TTN: variants seen among roughly 807,000 people sequenced by gnomAD.
TTN encodes connectin.
In TTN, 1,525 loss-of-function variants were observed where a neutral mutation model predicts 3,223.0. That is an observed-to-expected ratio of 0.47 (90% CI 0.45 to 0.49). TTN has a LOEUF of 0.49. Ranked by LOEUF, TTN falls within the 20% of genes least tolerant of loss-of-function variation. The pLI is 0.00. For missense variants in TTN, 40,786 were observed against 43,424.0 expected (o/e 0.94, Z 5.40); for synonymous variants, 14,094 against 15,161.0 (o/e 0.93, Z 5.17).
chr2:178,586,975 A>G, intron 307 of TTN, 143 bp downstream of exon 307: 3 of 1,366,592 alleles, frequency 2.2e-6, no homozygotes, highest in East Asian at 2.3e-5. Flanking sequence ...AAAGTGTTTC[A>G]TGAGTGAGAT....
rs1298192031 is a variant in TTN at position 178,735,564 on chromosome 2, G to A, written c.14882C>T (p.Thr4961Ile). ...GCTGCTTCCAGCCTCATTTGAAGCT[G>A]TACAGACATAGGTTCCTGAATCTTT... is the stretch of plus-strand genomic sequence containing the variant. ...KLKDSGTYVC[T>I]ASNEAGSSSC... is the part of the protein sequence containing the mutation. The change falls in exon 50 of 363, where the codon ACA (threonine) becomes ATA (isoleucine). Residue 4961 changes from threonine (T) to isoleucine (I), a missense_variant. Coordinates refer to ENST00000589042, the MANE Select transcript of TTN (RefSeq NM_001267550.2). The A allele has an allele frequency of 6.2e-7, 1 of 1,611,680 alleles. No individual in the cohort carries two copies. The highest frequency in any genetic ancestry group is 8.5e-7 in the Non-Finnish European group (1 of 1,179,228).
In TTN at chr2:178,695,061, GT is replaced by G. The variant is rs564489975; in HGVS notation, c.31271-156del. 5.2e-4 allele frequency among the ~76,000 whole-genome samples: 78 copies of G among 150,136 alleles called. 1 individual carries two copies. In the South Asian group the frequency reaches 0.014, roughly 28 times the overall value. The stretch of plus-strand genomic sequence containing the variant: ...TTTTTTAAAGAGAGAGATGAGTTCG[GT>G]TTTTTTTTCTTTGACCTTTACGCAC... On this transcript the variant is annotated intron_variant, in intron 115 of 362. Transcript: ENST00000589042.
chr2:178,723,817 T>C, intron 73 of TTN, 39 bp downstream of exon 73: 1 of 1,562,794 alleles, frequency 6.4e-7, no homozygotes. Flanking sequence ...TGAAGAGGAA[T>C]TTGTAAGAAA....
rs1042225014 is a variant in TTN at position 178,599,375 on chromosome 2, C to G, written c.56418G>C (p.Trp18806Cys). Residue 18806 changes from tryptophan to cysteine, a missense_variant, in exon 290 of 363, where the codon TGG becomes TGC. Transcript: ENST00000589042. Reference sequence around the variant, plus strand: ...ACCCACCATCATCTTTAGGTGGAAACCAAGATAGTGTCATTTGATCTGCTG... The same window carrying G: ...ACCCACCATCATCTTTAGGTGGAAAGCAAGATAGTGTCATTTGATCTGCTG... ...SVSADQMTLS[W>C]FPPKDDGGSK... 6.3e-7 allele frequency: 1 copy of G among 1,596,440 alleles called. No individual in the cohort carries two copies. Among genetic ancestry groups the G allele is most frequent in the East Asian group, 2.2e-5 (1 of 44,476 alleles).
At position 178,554,470 on chromosome 2, in the gene TTN, A is replaced by G. The variant is rs766178585; in HGVS notation, c.88877T>C (p.Val29626Ala). The change falls in exon 332 of 363, where the codon GTA becomes GCA. Residue 29626 changes from valine (V) to alanine (A), a missense_variant. Transcript: ENST00000589042. ...TGTCTCACCAAATGCGTTCTTGGCT[A>G]CAACGGAATCAGATTCCAGTGGCTC... ...IGEPLESDSVVAKNAFVTPGP... is the reference protein window; with the variant it reads ...IGEPLESDSVAAKNAFVTPGP... 40 of 1,613,396 alleles carry G rather than the reference A, an allele frequency of 2.5e-5. No individual in the cohort carries two copies. Among genetic ancestry groups the G allele is most frequent in the Non-Finnish European group, 3.3e-5 (39 of 1,179,658 alleles).
At chr2:178,547,386 T>C (rs563381300) in intron 339 of TTN, 21 bp downstream of exon 339, 1 of 1,584,332 alleles carries the variant, frequency 6.3e-7, no homozygotes, top group Non-Finnish European at 8.6e-7. Context: ...GACTTTGAAA[T>C]AGGATTTTTA....
At position 178,548,401 on chromosome 2, in the gene TTN, G is replaced by A; in HGVS notation, c.93225C>T (p.Phe31075=). ...CACCTTCGGCCAGGTCATTGACCTTGAAGATCTGACGAGTGCATTTTTCAC... is the reference window on the plus strand; with the variant it reads ...CACCTTCGGCCAGGTCATTGACCTTAAAGATCTGACGAGTGCATTTTTCAC... The part of the protein sequence containing the change: ...VISEKCTRQI[F]KVNDLAEGVP... Residue 31075 remains phenylalanine, a synonymous_variant, in exon 339 of 363, where the codon TTC becomes TTT. Transcript: ENST00000589042. This position sits in a 1 kb window ranked among gnomAD's most constrained non-coding sequence, Gnocchi z 4.3. 1 of 1,613,868 alleles carries A rather than the reference G, an allele frequency of 6.2e-7. No individual in the cohort carries two copies. Among genetic ancestry groups the A allele is most frequent in the Non-Finnish European group, 8.5e-7 (1 of 1,179,808 alleles).
chr2:178,582,738 C>T, intron 313 of TTN, 146 bp from the exon 314 acceptor site: 1 of 966,008 alleles, frequency 1.0e-6, no homozygotes, highest in Non-Finnish European at 1.4e-6. Context: ...TTAGTTTCTT[C>T]ACTTGTAAAA....
chr2:178,689,692 G>A lies in TTN; in HGVS notation c.31847-97C>T, dbSNP rs567422115. The A allele has an allele frequency of 1.3e-5, 19 of 1,431,566 alleles. No homozygotes were observed. In the South Asian group the frequency reaches 2.3e-4, roughly 17 times the overall value. 88.7% of individuals were successfully genotyped at this position (1,431,566 alleles called of 1,614,324 possible). On this transcript the variant is annotated intron_variant, in intron 122 of 362. Transcript: ENST00000589042. Reference sequence around the variant, plus strand: ...AGCAGACGGGTGGACAGACACTTTTGTTCAGTTCTCACCACAAAACATTCA... The same window carrying A: ...AGCAGACGGGTGGACAGACACTTTTATTCAGTTCTCACCACAAAACATTCA...
In TTN at chr2:178,582,990, G is replaced by A. The variant is rs1229229420; in HGVS notation, c.65813C>T (p.Ala21938Val). 3.2e-6 allele frequency: 5 copies of A among 1,557,208 alleles called. No individual in the cohort carries two copies. Among genetic ancestry groups the A allele is most frequent in the Non-Finnish European group, 3.5e-6 (4 of 1,148,504 alleles). ...TGATTTAGAACCACTTGAATTTTCA[G>A]CAGTAATGGTATAGTCTCCTGAGTC... ...RKDSGDYTIT[A>V]ENSSGSKSAT... is the part of the protein sequence containing the mutation. Residue 21938 changes from alanine (A) to valine (V), a missense_variant, in exon 313 of 363, where the codon GCT becomes GTT. Transcript: ENST00000589042.
At chr2:178,705,540 A>C (rs2075725024) in intron 102 of TTN, among the ~76,000 whole-genome samples, 183 bp from the exon 103 acceptor site, 1 of 152,090 alleles carries the variant, frequency 6.6e-6, no homozygotes, top group African/African-American at 2.4e-5. Context: ...GGAGTCGATT[A>C]AGATCAGATG....
Position 178,591,002 on chromosome 2 carries a change from T to C in TTN, c.60723A>G (p.Glu20241=). 1.9e-6 allele frequency: 3 copies of C among 1,613,476 alleles called. No individual in the cohort carries two copies. Among genetic ancestry groups the C allele is most frequent in the Non-Finnish European group, 2.5e-6 (3 of 1,179,546 alleles). The change falls in exon 304 of 363, where the codon GAA becomes GAG. Residue 20241 remains glutamate (E), a synonymous_variant. Coordinates refer to ENST00000589042, the MANE Select transcript of TTN (RefSeq NM_001267550.2). ...LKIPHLQKGC[E]YVFRVRAENK... ...TCTCTGCTCTAACTCGGAAAACATA[T>C]TCACAGCCCTTCTGCAGATGTGGGA...
chr2:178,561,288 C>G lies in TTN; in HGVS notation c.84844G>C (p.Ala28282Pro). The G allele has an allele frequency of 6.2e-7, 1 of 1,613,792 alleles. No homozygotes were observed. The highest frequency in any genetic ancestry group is 8.5e-7 in the Non-Finnish European group (1 of 1,179,808). The change falls in exon 326 of 363, where the codon GCT becomes CCT. Residue 28282 changes from alanine (A) to proline (P), a missense_variant. Physicochemically the swap from Ala to Pro is conservative, Grantham distance 27. Coordinates refer to ENST00000589042, the MANE Select transcript of TTN (RefSeq NM_001267550.2). ...TCAACAATGTATCCTGTGATCTTAG[C>G]TCCACCATCATAATGTGGTTTAGAC... Reference protein sequence around the residue: ...KWSKPHYDGGAKITGYIVERR... With the variant: ...KWSKPHYDGGPKITGYIVERR...
At position 178,745,798 on chromosome 2, in the gene TTN, C is replaced by T. The variant is rs141624211; in HGVS notation, c.11312-3877G>A. 316 of 1,613,120 alleles carry T rather than the reference C, an allele frequency of 2.0e-4. No homozygotes were observed. Among genetic ancestry groups the T allele is most frequent in the Non-Finnish European group, 2.5e-4 (294 of 1,179,458 alleles). ...GTCTTGGAGAGCCACGAACTAAGCA[C>T]TGAAAATATGCTGCTGTACCTATTG... On this transcript the variant is annotated intron_variant, in intron 47 of 362. Transcript: ENST00000589042.
At chr2:178,699,847 C>T (rs754145596) in intron 111 of TTN, among the ~76,000 whole-genome samples, 34 of 150,122 alleles carry the variant, frequency 2.3e-4, no homozygotes, top group Admixed American at 3.3e-4. Context: ...CTGCCTCAGC[C>T]TCTCTGAGTA....
Position 178,739,501 on chromosome 2 carries a change from C to A in TTN, c.13732G>T (p.Glu4578Ter). Reference sequence around the variant, plus strand: ...TCAGTACCACTTTCAGAGGAAGACTCCTCTTTTTCCTCTGATGGTTTCAGA... The same window carrying A: ...TCAGTACCACTTTCAGAGGAAGACTACTCTTTTTCCTCTGATGGTTTCAGA... ...ESLKPSEEKE[E>*]SSSESGTEEV... The change falls in exon 48 of 363, where the codon GAG becomes TAG. Residue 4578 changes from glutamate (E) to a stop codon, truncating the protein, a stop_gained. Transcript: ENST00000589042. LOFTEE classifies it high-confidence loss of function. 6.2e-7 allele frequency: 1 copy of A among 1,613,790 alleles called. No homozygotes were observed. The highest frequency in any genetic ancestry group is 8.5e-7 in the Non-Finnish European group (1 of 1,179,820).
intron 118 of TTN, 66 bp from the exon 119 acceptor site, chr2:178,693,755 G>A: frequency 7.5e-7 from 1 of 1,334,896 alleles, no homozygotes; most frequent in Non-Finnish European, 1.0e-6. Flanking sequence ...AATTTACAAA[G>A]AACATTAAAA....
intron 33 of TTN, among the ~76,000 whole-genome samples, chr2:178,771,773 T>G (rs548214280): frequency 1.3e-5 from 2 of 152,246 alleles, no homozygotes; most frequent in East Asian, 3.9e-4. Flanking sequence ...CCCAATTCCT[T>G]CTTCTTCAAA....
In TTN at chr2:178,611,361, T is replaced by C. The variant is rs760718481; in HGVS notation, c.50857+11A>G. The C allele has an allele frequency of 2.5e-6, 4 of 1,612,348 alleles. No individual in the cohort carries two copies. Among genetic ancestry groups the C allele is most frequent in the Non-Finnish European group, 3.4e-6 (4 of 1,179,226 alleles). ...GTATTTTATTAACTATAAAAGACCT[T>C]GTGCTCTTACAGTCTGGGTCTTTGG... is the stretch of plus-strand genomic sequence containing the variant. On this transcript the variant is annotated intron_variant, in intron 269 of 362. Transcript: ENST00000589042.
Sources: gnomAD v4.1 joint callset for allele counts (sites outside exome capture counted in the v4.1 genomes callset) on GRCh38, gnomAD v4.1.1 for gene constraint, Gnocchi (gnomAD v3.1) non-coding constraint, MANE v1.5 for transcripts, NCBI Gene and HGNC (gene_info 2026-07-23, HGNC 2026-07-21) for gene names.